The following UVRAG variants were observed in gnomAD, a reference collection of about 807,000 sequenced individuals.
UVRAG encodes the protein UV radiation resistance associated.
UVRAG carries 19 observed loss-of-function variants against 78.0 expected under a neutral mutation model. The ratio of observed to expected loss-of-function variants is 0.24; its 90% CI spans 0.17 to 0.36. The LOEUF (loss-of-function observed/expected upper bound fraction) is 0.36, where lower values mean the gene tolerates loss of function less well. Among genes scored for constraint, UVRAG ranks in the 10% least tolerant of loss-of-function variants. UVRAG has a pLI of 1.00. For missense variants in UVRAG, 740 were observed against 853.8 expected (o/e 0.87, Z 1.66); for synonymous variants, 323 against 324.6 (o/e 1.00, Z 0.05).
chr11:76,056,724 G>A (rs1013340057), intron 12 of UVRAG, among the ~76,000 whole-genome samples: 4 of 152,144 alleles, frequency 2.6e-5, no homozygotes, highest in Non-Finnish European at 4.4e-5. Flanking sequence ...TACTTCATAG[G>A]TGTTACTGAT....
At chr11:76,029,740 A>G (rs1376549069) in intron 12 of UVRAG, among the ~76,000 whole-genome samples, 2 of 152,240 alleles carry the variant, frequency 1.3e-5, no homozygotes, top group Non-Finnish European at 2.9e-5. Flanking sequence ...TTGACAAGGA[A>G]GTGGCAGGGT....
At chr11:75,922,938 GAA>G (rs540693706) in intron 6 of UVRAG, among the ~76,000 whole-genome samples, 4 of 66,918 alleles carry the variant, frequency 6.0e-5, no homozygotes, top group Non-Finnish European at 6.4e-5. Flanking sequence ...CATCTGAAAG[GAA>G]AAAAAAAAAA....
Position 75,832,664 on chromosome 11 carries a change from T to G in UVRAG, c.117+17140T>G, listed in dbSNP as rs112890569. Among the ~76,000 whole-genome samples, 887 of 152,290 alleles carry G rather than the reference T, an allele frequency of 5.8e-3. 10 individuals are homozygous for G. Among genetic ancestry groups the G allele is most frequent in the African/African-American group, 0.02 (843 of 41,546 alleles). ...TGATTATATCATTGGCTGTTGGTGA[T>G]TAACACAATCTCCAGCCTGTCTCCC... On this transcript the variant is annotated intron_variant, in intron 1 of 14. Coordinates refer to ENST00000356136, the MANE Select transcript of UVRAG (RefSeq NM_003369.4).
In UVRAG at chr11:76,004,005, G is replaced by A. The variant is rs559968848; in HGVS notation, c.827G>A (p.Gly276Glu). ...HKQQIALQDK[G>E]SAFSAEHLKL... ...ATTATCTCCTTCCTTTTCTTTCTAG[G>A]AAGTGCATTTTCAGCTGAGCACCTC... The change falls in exon 9 of 15, where the codon GGA becomes GAA. Residue 276 changes from glycine to glutamate, a missense_variant and splice_region_variant. Physicochemically the swap from Gly to Glu is moderately conservative, Grantham distance 98. Transcript: ENST00000356136. The A allele has an allele frequency of 1.5e-5, 25 of 1,613,504 alleles. No homozygotes were observed. The highest frequency in any genetic ancestry group is 1.5e-4 in the African/African-American group (11 of 74,980).
intron 13 of UVRAG, among the ~76,000 whole-genome samples, chr11:76,095,507 TATATC>T (rs1951772280): frequency 6.6e-6 from 1 of 150,876 alleles, no homozygotes; most frequent in African/African-American, 2.4e-5. Flanking sequence ...ATATGTCTCA[TATATC>T]ATATATTCAT....
intron 5 of UVRAG, among the ~76,000 whole-genome samples, chr11:75,903,624 T>G (rs1486146970): frequency 2.6e-5 from 4 of 152,194 alleles, no homozygotes; most frequent in Non-Finnish European, 2.9e-5. Flanking sequence ...ACCCCTGCAG[T>G]CTTTGATGTT....
Position 75,991,148 on chromosome 11 carries a change from A to G in UVRAG, c.826+7635A>G, listed in dbSNP as rs575458715. ...ATGCCATTTAAAATCATGAAGCATTATGATAAAGTCCATTTGTCTTTGTTA... is the reference window on the plus strand; with the variant it reads ...ATGCCATTTAAAATCATGAAGCATTGTGATAAAGTCCATTTGTCTTTGTTA... On this transcript the variant is annotated intron_variant, in intron 8 of 14. Transcript: ENST00000356136. Among the ~76,000 whole-genome samples the G allele has an allele frequency of 5.8e-4, 89 of 152,322 alleles. No homozygotes were observed. The South Asian group carries it at 0.018, about 30-fold the overall frequency.
Position 75,983,378 on chromosome 11 carries a change from T to G in UVRAG, c.700-9T>G. On this transcript the variant is annotated splice_polypyrimidine_tract_variant and intron_variant, in intron 7 of 14. Coordinates refer to ENST00000356136, the MANE Select transcript of UVRAG (RefSeq NM_003369.4). ...ATTCATAAATATACCTGTGATTTTA[T>G]TTATTTAGAAAAAAAAAAGTGAATG... 1 of 1,583,222 alleles carries G rather than the reference T, an allele frequency of 6.3e-7. No homozygotes were observed. Among genetic ancestry groups the G allele is most frequent in the Admixed American group, 1.8e-5 (1 of 55,098 alleles).
intron 13 of UVRAG, among the ~76,000 whole-genome samples, chr11:76,115,315 G>A (rs1952156540): frequency 1.3e-5 from 2 of 152,218 alleles, no homozygotes; most frequent in South Asian, 2.1e-4. Context: ...ATGTGCTCTG[G>A]TCTGGACAAA....
At position 75,825,039 on chromosome 11, in the gene UVRAG, A is replaced by G. The variant is rs557991045; in HGVS notation, c.117+9515A>G. Among the ~76,000 whole-genome samples, 120 of 152,098 alleles carry G rather than the reference A, an allele frequency of 7.9e-4. 2 individuals are homozygous for G. The highest frequency in any genetic ancestry group is 2.4e-4 in the Non-Finnish European group (16 of 68,022). On this transcript the variant is annotated intron_variant, in intron 1 of 14. Coordinates refer to ENST00000356136, the MANE Select transcript of UVRAG (RefSeq NM_003369.4). ...AACTGAAGGTGTTTTAGAAAAAGACATCTGTCTTATGAGAGAGGTTGAAAC... is the reference window on the plus strand; with the variant it reads ...AACTGAAGGTGTTTTAGAAAAAGACGTCTGTCTTATGAGAGAGGTTGAAAC...
rs181394672 is a variant in UVRAG at position 76,048,710 on chromosome 11, G to A, written c.1227-17000G>A. On this transcript the variant is annotated intron_variant, in intron 12 of 14. Transcript: ENST00000356136. The stretch of plus-strand genomic sequence containing the variant: ...CTGAATATAATGCAATTCCTAGACA[G>A]CATATTCACTTTAGAAAACTGACTT... 2.6e-5 allele frequency among the ~76,000 whole-genome samples: 4 copies of A among 152,316 alleles called. No individual in the cohort carries two copies. In the East Asian group the frequency reaches 7.7e-4, roughly 29 times the overall value.
At chr11:76,092,246 A>T (rs1432137607) in intron 13 of UVRAG, among the ~76,000 whole-genome samples, 2 of 152,188 alleles carry the variant, frequency 1.3e-5, no homozygotes, top group Admixed American at 6.5e-5. Context: ...ATTGATGGAC[A>T]TTTGGGTTGG....
intron 1 of UVRAG, among the ~76,000 whole-genome samples, chr11:75,847,409 G>T (rs1027821373): frequency 6.6e-6 from 1 of 152,116 alleles, no homozygotes; most frequent in Non-Finnish European, 1.5e-5. Flanking sequence ...TTACAGGTAT[G>T]AGCCACTGTG....
At chr11:75,893,010 T>C (rs751662172) in intron 5 of UVRAG, among the ~76,000 whole-genome samples, 42 of 151,742 alleles carry the variant, frequency 2.8e-4, no homozygotes, top group Non-Finnish European at 4.3e-4. Context: ...AAACCCCATC[T>C]CTACTAAAAA....
intron 12 of UVRAG, among the ~76,000 whole-genome samples, chr11:76,058,398 T>C (rs1337160704): frequency 1.3e-5 from 2 of 151,756 alleles, no homozygotes; most frequent in African/African-American, 4.8e-5. Context: ...CCAGGTGTGG[T>C]AGTGCACACC....
At chr11:75,852,060 A>C (rs1232817002) in intron 2 of UVRAG, 60 bp downstream of exon 2, 1 of 1,243,540 alleles carries the variant, frequency 8.0e-7, no homozygotes, top group East Asian at 2.4e-5. Context: ...TTTTTGTAAC[A>C]CAAGTGATTC....
intron 6 of UVRAG, among the ~76,000 whole-genome samples, chr11:75,945,665 T>C (rs960295010): frequency 1.3e-5 from 2 of 152,112 alleles, no homozygotes; most frequent in Admixed American, 1.3e-4. Flanking sequence ...TATCCTAATA[T>C]ACCAGGTTTT....
chr11:75,897,871 ATTTTTTTT>A (rs146122619), intron 5 of UVRAG, among the ~76,000 whole-genome samples: 5 of 108,898 alleles, frequency 4.6e-5, no homozygotes, highest in African/African-American at 2.0e-4. Flanking sequence ...TAGCTCTTTA[ATTTTTTTT>A]TTTTTTTTTT....
intron 11 of UVRAG, among the ~76,000 whole-genome samples, chr11:76,010,624 A>G (rs1432054396): frequency 2.0e-5 from 3 of 152,196 alleles, no homozygotes; most frequent in Non-Finnish European, 2.9e-5. Context: ...TGGGTAAATC[A>G]TGTAATCTTT....
Sources: allele counts gnomAD v4.1 joint callset (sites outside exome capture counted in the v4.1 genomes callset), GRCh38; gene constraint gnomAD v4.1.1; transcripts MANE v1.5; gene names NCBI Gene and HGNC (gene_info 2026-07-23, HGNC 2026-07-21).